Variants in CLDN10 observed in about 807,000 individuals in gnomAD.
CLDN10 encodes the protein claudin-10.
Under a neutral mutation model 22.9 loss-of-function variants are expected in CLDN10, and 15 were observed. That is an observed-to-expected ratio of 0.65 (90% CI 0.44 to 1.01). The LOEUF is 1.01. Ranked by LOEUF, CLDN10 falls within the 50% of genes least tolerant of loss-of-function variation. CLDN10 has a pLI of 0.00. For missense variants in CLDN10, 247 were observed against 287.8 expected (o/e 0.86, Z 1.03); for synonymous variants, 114 against 111.4 (o/e 1.02, Z -0.15).
intron 1 of CLDN10, among the ~76,000 whole-genome samples, chr13:95,464,252 CTT>C (rs2042563575): frequency 6.6e-6 from 1 of 152,056 alleles, no homozygotes; most frequent in African/African-American, 2.4e-5. Flanking sequence ...TCCCTCCCGC[CTT>C]CCCCCACCCC....
At chr13:95,489,212 G>T (rs1361440924) in intron 1 of CLDN10, among the ~76,000 whole-genome samples, 1 of 151,962 alleles carries the variant, frequency 6.6e-6, no homozygotes, top group Admixed American at 6.5e-5. Flanking sequence ...GCCTCCCAAA[G>T]TGCTGGGATT....
At chr13:95,563,131 T>TCG (rs1555300141) in intron 3 of CLDN10, among the ~76,000 whole-genome samples, 166 of 151,118 alleles carry the variant, frequency 1.1e-3, no homozygotes, top group African/African-American at 3.7e-3. Flanking sequence ...TCTCTCTCTC[T>TCG]CTCTGTCTGT....
chr13:95,560,087 C>G (rs767311119), intron 1 of CLDN10, 45 bp from the exon 2 acceptor site: 1 of 1,528,318 alleles, frequency 6.5e-7, no homozygotes, highest in East Asian at 2.3e-5. Context: ...TCTCCCTGGA[C>G]AGCCACATGC....
intron 1 of CLDN10, among the ~76,000 whole-genome samples, chr13:95,554,973 T>C (rs2043614698): frequency 6.6e-6 from 1 of 151,956 alleles, no homozygotes; most frequent in Admixed American, 6.6e-5. Flanking sequence ...CAGTTCATAC[T>C]GTCAAATTAC....
intron 1 of CLDN10, among the ~76,000 whole-genome samples, chr13:95,491,944 C>G (rs2042875680): frequency 6.6e-6 from 1 of 152,108 alleles, no homozygotes; most frequent in Admixed American, 6.5e-5. Context: ...TTTTCTGGGT[C>G]TAGCCACCCA....
chr13:95,561,960 G>A (rs968727950), intron 3 of CLDN10, among the ~76,000 whole-genome samples: 9 of 147,332 alleles, frequency 6.1e-5, no homozygotes, highest in Admixed American at 1.4e-4. Flanking sequence ...TGGAGTTTTC[G>A]CTCTTGTTGC....
At chr13:95,561,731 A>G (rs2043714853) in intron 3 of CLDN10, among the ~76,000 whole-genome samples, 1 of 151,014 alleles carries the variant, frequency 6.6e-6, no homozygotes. Flanking sequence ...ACAATATGCT[A>G]CATGTACTGT....
At chr13:95,536,545 T>C (rs996025351) in intron 1 of CLDN10, among the ~76,000 whole-genome samples, 7 of 152,230 alleles carry the variant, frequency 4.6e-5, no homozygotes, top group African/African-American at 1.7e-4. Context: ...GCTACTGTTT[T>C]CTAGAGAAAA....
intron 3 of CLDN10, among the ~76,000 whole-genome samples, chr13:95,564,058 A>G (rs1258154217): frequency 2.6e-5 from 4 of 152,230 alleles, no homozygotes; most frequent in Non-Finnish European, 5.9e-5. Context: ...AGAGAGGAAT[A>G]CGTTGTAGAA....
At chr13:95,442,647 T>C (rs1233779720) in intron 1 of CLDN10, among the ~76,000 whole-genome samples, 1 of 152,192 alleles carries the variant, frequency 6.6e-6, no homozygotes, top group East Asian at 1.9e-4. Context: ...AGGGTGTGTT[T>C]GGTATGCCGG....
intron 1 of CLDN10, among the ~76,000 whole-genome samples, chr13:95,541,032 A>G (rs2043454926): frequency 6.6e-6 from 1 of 152,262 alleles, no homozygotes; most frequent in Non-Finnish European, 1.5e-5. Context: ...CCAGTGGCCC[A>G]GGGCCCACAC....
intron 1 of CLDN10, among the ~76,000 whole-genome samples, chr13:95,464,264 C>T (rs1194575898): frequency 6.6e-6 from 1 of 152,072 alleles, no homozygotes; most frequent in Non-Finnish European, 1.5e-5. Context: ...TCCCCCACCC[C>T]ACAACAGGCC....
chr13:95,498,173 T>A (rs1594565508), intron 1 of CLDN10, among the ~76,000 whole-genome samples: 1 of 152,196 alleles, frequency 6.6e-6, no homozygotes, highest in South Asian at 2.1e-4. Context: ...TCCTTGGAGC[T>A]GCCAGGCAGC....
At chr13:95,512,931 A>G (rs2043120118) in intron 1 of CLDN10, among the ~76,000 whole-genome samples, 3 of 152,194 alleles carry the variant, frequency 2.0e-5, no homozygotes, top group Admixed American at 6.5e-5. Flanking sequence ...GCTGGAGTCC[A>G]GTGGCACAAT....
chr13:95,570,858 G>GTGTATATATATATATATATATATA (rs60359070), intron 3 of CLDN10, among the ~76,000 whole-genome samples: 72 of 119,666 alleles, frequency 6.0e-4, no homozygotes, highest in South Asian at 1.0e-3. Flanking sequence ...ATATACGTGT[G>GTGTATATATATATATATATATATA]TATATATATA....
At chr13:95,516,067 C>CT (rs2043164212) in intron 1 of CLDN10, among the ~76,000 whole-genome samples, 2 of 146,340 alleles carry the variant, frequency 1.4e-5, no homozygotes, top group Non-Finnish European at 3.0e-5. Flanking sequence ...GAGCAAGACT[C>CT]TGTCTCCAAG....
chr13:95,547,229 T>C (rs1162035167), intron 1 of CLDN10, among the ~76,000 whole-genome samples: 2 of 151,962 alleles, frequency 1.3e-5, no homozygotes, highest in African/African-American at 2.4e-5. Flanking sequence ...CACTTTCCTT[T>C]GCAAGCGCCT....
At chr13:95,495,463 G>A (rs897112665) in intron 1 of CLDN10, among the ~76,000 whole-genome samples, 12 of 151,752 alleles carry the variant, frequency 7.9e-5, no homozygotes, top group African/African-American at 2.7e-4. Context: ...AATGAAGCTC[G>A]GCCAGGCGCG....
intron 1 of CLDN10, among the ~76,000 whole-genome samples, chr13:95,527,911 C>T (rs904618326): frequency 5.3e-5 from 8 of 152,122 alleles, no homozygotes; most frequent in African/African-American, 1.9e-4. Flanking sequence ...TATTCGACTG[C>T]TATCATTGAA....
Sources: allele counts gnomAD v4.1 joint callset (sites outside exome capture counted in the v4.1 genomes callset), GRCh38; gene constraint gnomAD v4.1.1; transcripts MANE v1.5; gene names NCBI Gene and HGNC (gene_info 2026-07-23, HGNC 2026-07-21).